Variants in NEURL4 observed in about 807,000 individuals in gnomAD.
NEURL4 encodes neuralized E3 ubiquitin protein ligase 4.
NEURL4 carries 45 observed loss-of-function variants against 148.0 expected under a neutral mutation model. The observed-to-expected ratio is 0.30, with a 90% CI of 0.24 to 0.39. The LOEUF (loss-of-function observed/expected upper bound fraction) is 0.39, where lower values mean the gene tolerates loss of function less well. Among genes scored for constraint, NEURL4 ranks in the 10% least tolerant of loss-of-function variants. The pLI is 1.00. For synonymous variants in NEURL4, 854 were observed against 869.0 expected (o/e 0.98, Z 0.30); for missense variants, 1,776 against 2,144.0 (o/e 0.83, Z 3.39).
Position 7,318,747 on chromosome 17 carries a change from T to C in NEURL4, c.3685-73A>G. 6.7e-7 allele frequency: 1 copy of C among 1,485,520 alleles called. No individual in the cohort carries two copies. The highest frequency in any genetic ancestry group is 9.1e-7 in the Non-Finnish European group (1 of 1,103,404). The allele number at this position is 1,485,520 out of a possible 1,614,324, so 92.0% of individuals were successfully genotyped here. ...CAGCTGTCCCGCCCTTTGCTCTGCT[T>C]CCTTTTGCCAGTGCCTTGGCTTTGC... On this transcript the variant is annotated intron_variant, in intron 22 of 28. Coordinates refer to ENST00000399464, the MANE Select transcript of NEURL4 (RefSeq NM_032442.3). The surrounding 1 kb of genome is among the most constrained non-coding windows in gnomAD (Gnocchi z 4.3).
chr17:7,327,276 C>T lies in NEURL4; in HGVS notation c.728-46G>A. On this transcript the variant is annotated intron_variant, in intron 2 of 28. Coordinates refer to ENST00000399464, the MANE Select transcript of NEURL4 (RefSeq NM_032442.3). This position sits in a 1 kb window ranked among gnomAD's most constrained non-coding sequence, Gnocchi z 6.6. ...GAGGGGAATAAGGGTTCAGTCCCTGCTTCACGGCCCATAGCCAGGAGAACC... is the reference window on the plus strand; with the variant it reads ...GAGGGGAATAAGGGTTCAGTCCCTGTTTCACGGCCCATAGCCAGGAGAACC... The T allele has an allele frequency of 6.5e-7, 1 of 1,537,352 alleles. No individual in the cohort carries two copies. The highest frequency in any genetic ancestry group is 8.8e-7 in the Non-Finnish European group (1 of 1,141,276).
In NEURL4 at chr17:7,327,928, C is replaced by A. The variant is rs1448893928; in HGVS notation, c.283-44G>T. The A allele has an allele frequency of 3.4e-6, 5 of 1,454,532 alleles. No individual in the cohort carries two copies. The highest frequency in any genetic ancestry group is 4.6e-6 in the Non-Finnish European group (5 of 1,077,898). 90.1% of individuals were successfully genotyped at this position (1,454,532 alleles called of 1,614,324 possible). On this transcript the variant is annotated intron_variant, in intron 1 of 28. Transcript: ENST00000399464. This position sits in a 1 kb window ranked among gnomAD's most constrained non-coding sequence, Gnocchi z 6.6. ...ACAGAGGCTTAGAATGGGCCACCCCCCATTCCACAGGCCACCATATCTTCC... is the reference window on the plus strand; with the variant it reads ...ACAGAGGCTTAGAATGGGCCACCCCACATTCCACAGGCCACCATATCTTCC...
At chr17:7,316,633 A>G (rs537263656) in intron 28 of NEURL4, among the ~76,000 whole-genome samples, 2 of 152,308 alleles carry the variant, frequency 1.3e-5, no homozygotes, top group Non-Finnish European at 2.9e-5. Flanking sequence ...ACCTTTAAAA[A>G]TACTAAATAC....
Position 7,322,725 on chromosome 17 carries a change from G to T in NEURL4, c.2725+10C>A. On this transcript the variant is annotated intron_variant, in intron 16 of 28. Coordinates refer to ENST00000399464, the MANE Select transcript of NEURL4 (RefSeq NM_032442.3). The surrounding 1 kb of genome is among the most constrained non-coding windows in gnomAD (Gnocchi z 5.5). ...GCAGAGCCCGTCCAGCCCCCGCCCTGCTGCCGCACCTGGGGAGTGCAGTGG... is the reference window on the plus strand; with the variant it reads ...GCAGAGCCCGTCCAGCCCCCGCCCTTCTGCCGCACCTGGGGAGTGCAGTGG... 1 of 1,609,376 alleles carries T rather than the reference G, an allele frequency of 6.2e-7. No homozygotes were observed.
rs1313221637 is a variant in NEURL4, at chr17:7,326,406, C to T, written c.1204+31G>A. 1 of 1,613,602 alleles carries T rather than the reference C, an allele frequency of 6.2e-7. No individual in the cohort carries two copies. The highest frequency in any genetic ancestry group is 8.5e-7 in the Non-Finnish European group (1 of 1,179,640). ...TTCCTTCCCCTCAGCAACACCAGGCCTGCACCCCCGCCCCTGCCCGGGGCT... is the reference window on the plus strand; with the variant it reads ...TTCCTTCCCCTCAGCAACACCAGGCTTGCACCCCCGCCCCTGCCCGGGGCT... On this transcript the variant is annotated intron_variant, in intron 5 of 28. Coordinates refer to ENST00000399464, the MANE Select transcript of NEURL4 (RefSeq NM_032442.3). This position sits in a 1 kb window ranked among gnomAD's most constrained non-coding sequence, Gnocchi z 6.0.
chr17:7,326,341 T>C lies in NEURL4; in HGVS notation c.1207A>G (p.Thr403Ala). Residue 403 changes from threonine to alanine, a missense_variant and splice_region_variant, in exon 6 of 29, where the codon ACC becomes GCC. By Grantham distance (58) the Thr-to-Ala change is moderately conservative (BLOSUM62 0). Transcript: ENST00000399464. The surrounding 1 kb of genome is among the most constrained non-coding windows in gnomAD (Gnocchi z 6.0). Reference protein sequence around the residue: ...PATMTNLQSGTIMMSGCGILT... With the variant: ...PATMTNLQSGAIMMSGCGILT... ...ATTCCACAGCCGCTCATCATGATGG[T>C]GCCTGGGTGATAGTGGACACTTGGG... 1 of 1,614,170 alleles carries C rather than the reference T, an allele frequency of 6.2e-7. No homozygotes were observed. The highest frequency in any genetic ancestry group is 8.5e-7 in the Non-Finnish European group (1 of 1,180,018).
Position 7,326,910 on chromosome 17 carries a change from C to T in NEURL4, c.893G>A (p.Gly298Glu). The change falls in exon 4 of 29, where the codon GGG becomes GAG. Residue 298 changes from glycine (G) to glutamate (E), a missense_variant. By Grantham distance (98) the Gly-to-Glu change is moderately conservative. Transcript: ENST00000399464. This position sits in a 1 kb window ranked among gnomAD's most constrained non-coding sequence, Gnocchi z 6.0. ...AGCACCGCTAGATCCCAGGCCTTCC[C>T]CTGCCGGTGGGGAGCTCAGGTTCAC... Reference protein sequence around the residue: ...LNVNLSSPPAGEGLGSSGAAT... With the variant: ...LNVNLSSPPAEEGLGSSGAAT... 6 of 1,614,038 alleles carry T rather than the reference C, an allele frequency of 3.7e-6. No individual in the cohort carries two copies. Among genetic ancestry groups the T allele is most frequent in the Non-Finnish European group, 5.1e-6 (6 of 1,180,016 alleles).
chr17:7,316,316 G>A lies in NEURL4; in HGVS notation c.4496C>T (p.Pro1499Leu), dbSNP rs2072944094. The change falls in exon 29 of 29, where the codon CCC (proline) becomes CTC (leucine). Residue 1499 changes from proline (P) to leucine (L), a missense_variant. By Grantham distance (98) the Pro-to-Leu change is moderately conservative. Transcript: ENST00000399464. ...TLASKVQFRD[P>L]KSQRTHQAQV... ...AGCCTGGTGCGTCCGCTGGGATTTG[G>A]GGTCCCGGAATCTGTCAGACAAGAA... 6.2e-7 allele frequency: 1 copy of A among 1,612,274 alleles called. No homozygotes were observed. The highest frequency in any genetic ancestry group is 8.5e-7 in the Non-Finnish European group (1 of 1,179,702).
chr17:7,325,360 T>G lies in NEURL4; in HGVS notation c.1480A>C (p.Asn494His). The change falls in exon 8 of 29, where the codon AAC becomes CAC. Residue 494 changes from asparagine to histidine, a missense_variant. Asn to His is a moderately conservative substitution (Grantham distance 68, BLOSUM62 1). Transcript: ENST00000399464. ...GACAGCGCCCGCAGGATGGCGTTGT[T>G]TCGGCGGAGACGGTCACTGTGGTTG... Reference protein sequence around the residue: ...NNNHSDRLRRNNAILRALSPE... With the variant: ...NNNHSDRLRRHNAILRALSPE... The G allele has an allele frequency of 1.2e-6, 2 of 1,613,438 alleles. No homozygotes were observed. Among genetic ancestry groups the G allele is most frequent in the Non-Finnish European group, 1.7e-6 (2 of 1,179,964 alleles).
chr17:7,319,781 C>CT (rs2073005732), intron 21 of NEURL4, among the ~76,000 whole-genome samples: 1 of 151,748 alleles, frequency 6.6e-6, no homozygotes, highest in Admixed American at 6.6e-5. Context: ...GTAAGGATCT[C>CT]TAAGGATTCT....
chr17:7,316,659 GC>G (rs1246871937), intron 28 of NEURL4, among the ~76,000 whole-genome samples: 1 of 152,204 alleles, frequency 6.6e-6, no homozygotes, highest in Non-Finnish European at 1.5e-5. Context: ...GGGCGCGGTG[GC>G]TCACGCCTGT....
chr17:7,321,541 C>G lies in NEURL4; in HGVS notation c.3099+19G>C. The G allele has an allele frequency of 3.1e-6, 5 of 1,613,870 alleles. No homozygotes were observed. The highest frequency in any genetic ancestry group is 4.2e-6 in the Non-Finnish European group (5 of 1,179,858). ...TCCACTCCCAACCCCTCCCCTGTCCCTGGAGCCAGCCACTTCACCCCCAGC... is the reference window on the plus strand; with the variant it reads ...TCCACTCCCAACCCCTCCCCTGTCCGTGGAGCCAGCCACTTCACCCCCAGC... On this transcript the variant is annotated intron_variant, in intron 18 of 28. Transcript: ENST00000399464. The surrounding 1 kb of genome is among the most constrained non-coding windows in gnomAD (Gnocchi z 6.3).
In NEURL4 at chr17:7,321,695, G is replaced by GCCTGCC. The variant is rs1178407891; in HGVS notation, c.2958_2963dup (p.Ala987_Gly988dup). ...AAGGAGGCAGCCCTGGGCCACCACC[G>GCCTGCC]CCTGCCCCGGGTCCCATCTCCCCCG... is the stretch of plus-strand genomic sequence containing the variant. On this transcript the variant is annotated inframe_insertion, in exon 18 of 29. Coordinates refer to ENST00000399464, the MANE Select transcript of NEURL4 (RefSeq NM_032442.3). The surrounding 1 kb of genome is among the most constrained non-coding windows in gnomAD (Gnocchi z 6.3). 6.2e-7 allele frequency: 1 copy of GCCTGCC among 1,613,508 alleles called. No individual in the cohort carries two copies. Among genetic ancestry groups the GCCTGCC allele is most frequent in the Non-Finnish European group, 8.5e-7 (1 of 1,180,026 alleles).
Position 7,327,406 on chromosome 17 carries a change from C to T in NEURL4, c.727+34G>A. On this transcript the variant is annotated intron_variant, in intron 2 of 28. Transcript: ENST00000399464. This position sits in a 1 kb window ranked among gnomAD's most constrained non-coding sequence, Gnocchi z 6.6. Reference sequence around the variant, plus strand: ...CACTCTATTTCCCCCATTCCGTCCCCACCCCACCACCACTGCCCTAGCTGT... The same window carrying T: ...CACTCTATTTCCCCCATTCCGTCCCTACCCCACCACCACTGCCCTAGCTGT... 4.0e-6 allele frequency: 6 copies of T among 1,514,004 alleles called. No homozygotes were observed. The highest frequency in any genetic ancestry group is 5.4e-6 in the Non-Finnish European group (6 of 1,120,940). The allele number at this position is 1,514,004 out of a possible 1,614,324, so 93.8% of individuals were successfully genotyped here. A position where few individuals can be genotyped will look rare whatever the true frequency, so the allele number is the denominator to read the frequency against.
chr17:7,326,119 AG>A lies in NEURL4; in HGVS notation c.1293+135del, dbSNP rs1455027177. The A allele has an allele frequency of 1.3e-6, 1 of 798,084 alleles. No individual in the cohort carries two copies. The highest frequency in any genetic ancestry group is 2.1e-6 in the Non-Finnish European group (1 of 487,638). 49.4% of individuals were successfully genotyped at this position (798,084 alleles called of 1,614,324 possible). On this transcript the variant is annotated intron_variant, in intron 6 of 28. Coordinates refer to ENST00000399464, the MANE Select transcript of NEURL4 (RefSeq NM_032442.3). The surrounding 1 kb of genome is among the most constrained non-coding windows in gnomAD (Gnocchi z 6.0). ...GAACTCTTGGGCAACTCAGGCTTCT[AG>A]GAAGGAACCTTTAGGTGGAAGATAC...
In NEURL4 at chr17:7,321,165, C is replaced by G. The variant is rs764793922; in HGVS notation, c.3307G>C (p.Asp1103His). 2.5e-5 allele frequency: 41 copies of G among 1,614,010 alleles called. No individual in the cohort carries two copies. The South Asian group carries it at 4.1e-4, about 16-fold the overall frequency. ...TCCTCCTCGCCCTCACTGCCGGTGT[C>G]TGAACTGGGGGAAGGAGGCTGGGTG... Reference protein sequence around the residue: ...EGTQPPSPSSDTGSEGEEDDE... With the variant: ...EGTQPPSPSSHTGSEGEEDDE... The change falls in exon 20 of 29, where the codon GAC becomes CAC. Residue 1103 changes from aspartate to histidine, a missense_variant. Physicochemically the swap from Asp to His is moderately conservative, Grantham distance 81. Coordinates refer to ENST00000399464, the MANE Select transcript of NEURL4 (RefSeq NM_032442.3). This position sits in a 1 kb window ranked among gnomAD's most constrained non-coding sequence, Gnocchi z 6.3.
At position 7,319,167 on chromosome 17, in the gene NEURL4, A is replaced by G. The variant is rs1305759726; in HGVS notation, c.3567T>C (p.Leu1189=). 3.7e-6 allele frequency: 6 copies of G among 1,613,672 alleles called. No homozygotes were observed. The highest frequency in any genetic ancestry group is 1.3e-5 in the African/African-American group (1 of 74,994). Residue 1189 remains leucine, a synonymous_variant, in exon 22 of 29, where the codon CTT becomes CTC. Transcript: ENST00000399464. ...GCGCGCAGGTGATGACTCCCAGGAC[A>G]AGGGAAGATGTCCACTGTCGGTTTA... The part of the protein sequence containing the change: ...DFLNRQWTSS[L]VLGVITCAPE...
In NEURL4 at chr17:7,327,975, G is replaced by T; in HGVS notation, c.283-91C>A. On this transcript the variant is annotated intron_variant, in intron 1 of 28. Transcript: ENST00000399464. This position sits in a 1 kb window ranked among gnomAD's most constrained non-coding sequence, Gnocchi z 6.6. ...TTCCCACCTCTCAGACAGCTAGCTG[G>T]CTTTCTGTCTCTTGGAACACTAATC... is the stretch of plus-strand genomic sequence containing the variant. The T allele has an allele frequency of 9.7e-7, 1 of 1,030,196 alleles. No individual in the cohort carries two copies. Among genetic ancestry groups the T allele is most frequent in the Non-Finnish European group, 1.4e-6 (1 of 721,964 alleles). 63.8% of individuals were successfully genotyped at this position (1,030,196 alleles called of 1,614,324 possible).
rs1317465396 is a variant in NEURL4 at position 7,321,528 on chromosome 17, C to A, written c.3099+32G>T. 6.2e-7 allele frequency: 1 copy of A among 1,613,366 alleles called. No individual in the cohort carries two copies. Among genetic ancestry groups the A allele is most frequent in the South Asian group, 1.1e-5 (1 of 91,088 alleles). ...TCTCCCTGCCACCTCCACTCCCAAC[C>A]CCTCCCCTGTCCCTGGAGCCAGCCA... On this transcript the variant is annotated intron_variant, in intron 18 of 28. Coordinates refer to ENST00000399464, the MANE Select transcript of NEURL4 (RefSeq NM_032442.3). This position sits in a 1 kb window ranked among gnomAD's most constrained non-coding sequence, Gnocchi z 6.3.
Sources: gnomAD v4.1 joint callset for allele counts (sites outside exome capture counted in the v4.1 genomes callset) on GRCh38, gnomAD v4.1.1 for gene constraint, Gnocchi (gnomAD v3.1) non-coding constraint, MANE v1.5 for transcripts, NCBI Gene and HGNC (gene_info 2026-07-23, HGNC 2026-07-21) for gene names.